MACROD1: variants seen among roughly 807,000 people sequenced by gnomAD.
MACROD1 encodes ADP-ribose glycohydrolase MACROD1.
A neutral mutation model predicts 41.4 loss-of-function variants in MACROD1; 31 were observed. The ratio of observed to expected loss-of-function variants is 0.75; its 90% CI spans 0.56 to 1.01. The LOEUF (loss-of-function observed/expected upper bound fraction) is 1.01. Among genes scored for constraint, MACROD1 ranks in the 50% least tolerant of loss-of-function variants. MACROD1 has a pLI of 0.00. For synonymous variants in MACROD1, 252 were observed against 203.4 expected (o/e 1.24, Z -2.03); for missense variants, 473 against 460.0 (o/e 1.03, Z -0.26).
chr11:64,139,505 C>T (rs1193714961), intron 3 of MACROD1, among the ~76,000 whole-genome samples: 1 of 152,198 alleles, frequency 6.6e-6, no homozygotes, highest in Non-Finnish European at 1.5e-5. Context: ...ATGGAGCTGC[C>T]CCTGCCCTCG....
intron 3 of MACROD1, among the ~76,000 whole-genome samples, chr11:64,019,911 G>A (rs1358848381): frequency 3.3e-5 from 5 of 152,270 alleles, no homozygotes; most frequent in Non-Finnish European, 1.5e-5. Context: ...ACGGGGACGT[G>A]CATGATGAGG....
chr11:64,117,142 A>G, intron 3 of MACROD1: 1 of 1,613,638 alleles, frequency 6.2e-7, no homozygotes, highest in African/African-American at 1.3e-5. Context: ...ACGCTGGCCA[A>G]GATGCGTGAG....
chr11:64,058,606 G>A (rs1485388090), intron 3 of MACROD1, among the ~76,000 whole-genome samples: 3 of 152,244 alleles, frequency 2.0e-5, no homozygotes, highest in South Asian at 4.1e-4. Context: ...CGGGTGCAGC[G>A]GGCACGGCCC....
At chr11:64,104,974 A>G (rs982254013) in intron 3 of MACROD1, among the ~76,000 whole-genome samples, 12 of 152,116 alleles carry the variant, frequency 7.9e-5, no homozygotes, top group African/African-American at 2.9e-4. Flanking sequence ...CCAATTCATT[A>G]CCAAGATGGA....
intron 3 of MACROD1, among the ~76,000 whole-genome samples, chr11:64,081,452 G>A (rs1244059813): frequency 6.6e-6 from 1 of 152,228 alleles, no homozygotes; most frequent in Non-Finnish European, 1.5e-5. Flanking sequence ...CCCTCATACA[G>A]GGATTGGCAG....
At chr11:64,049,332 C>T (rs769075424) in intron 3 of MACROD1, among the ~76,000 whole-genome samples, 5 of 152,206 alleles carry the variant, frequency 3.3e-5, no homozygotes, top group Non-Finnish European at 5.9e-5. Context: ...AGGGTCCTAC[C>T]GATGCCCAAA....
intron 3 of MACROD1, among the ~76,000 whole-genome samples, chr11:64,135,397 G>A (rs1375855281): frequency 5.9e-5 from 9 of 152,216 alleles, no homozygotes; most frequent in Non-Finnish European, 1.3e-4. Context: ...CAGCTCTGGA[G>A]GTCACCATGT....
At chr11:64,094,428 C>A (rs1273067812) in intron 3 of MACROD1, among the ~76,000 whole-genome samples, 2 of 116,248 alleles carry the variant, frequency 1.7e-5, no homozygotes, top group South Asian at 3.0e-4. Flanking sequence ...GAGACTCCAA[C>A]TTAAAAAAAA....
intron 3 of MACROD1, among the ~76,000 whole-genome samples, chr11:64,072,031 G>A (rs1036115716): frequency 1.3e-5 from 2 of 152,194 alleles, no homozygotes; most frequent in Admixed American, 6.5e-5. Context: ...ACGCACTATT[G>A]ACCGCCGCGC....
At chr11:64,035,272 A>T (rs1410065995) in intron 3 of MACROD1, among the ~76,000 whole-genome samples, 1 of 151,964 alleles carries the variant, frequency 6.6e-6, no homozygotes, top group Non-Finnish European at 1.5e-5. Context: ...GGGTGTTTAC[A>T]GCACGCGGCG....
chr11:64,009,624 C>T (rs768714586), intron 4 of MACROD1, among the ~76,000 whole-genome samples: 6 of 152,098 alleles, frequency 3.9e-5, no homozygotes, highest in Admixed American at 2.0e-4. Flanking sequence ...ACTGCATTGC[C>T]AGCACCATCT....
chr11:64,035,065 A>G (rs1190091893), intron 3 of MACROD1, among the ~76,000 whole-genome samples: 1 of 152,046 alleles, frequency 6.6e-6, no homozygotes, highest in African/African-American at 2.4e-5. Flanking sequence ...CCTCCCATTC[A>G]AGGTCTTCTT....
chr11:64,084,882 C>T (rs1163675427), intron 3 of MACROD1, among the ~76,000 whole-genome samples: 4 of 152,328 alleles, frequency 2.6e-5, no homozygotes, highest in Admixed American at 2.0e-4. Context: ...GGGAGAGCTG[C>T]GTGTGTGGGG....
intron 3 of MACROD1, among the ~76,000 whole-genome samples, chr11:64,094,661 G>A (rs1018134151): frequency 4.6e-5 from 7 of 152,222 alleles, no homozygotes; most frequent in Admixed American, 2.0e-4. Context: ...GTGTGTGGCT[G>A]CTGCGGGCGG....
chr11:64,150,280 G>A lies in MACROD1; in HGVS notation c.517+959C>T, dbSNP rs969247832. On this transcript the variant is annotated intron_variant, in intron 3 of 10. Transcript: ENST00000255681. ...GCACCACCATGCCCCAGAGTCACTG[G>A]GGGACAGCGCTGGGGCCAGGCACGA... Among the ~76,000 whole-genome samples the A allele has an allele frequency of 4.6e-5, 7 of 152,204 alleles. No individual in the cohort carries two copies. In the South Asian group the frequency reaches 1.4e-3, roughly 32 times the overall value.
chr11:64,006,392 G>A (rs1942914347), intron 4 of MACROD1, among the ~76,000 whole-genome samples: 1 of 152,198 alleles, frequency 6.6e-6, no homozygotes, highest in Non-Finnish European at 1.5e-5. Flanking sequence ...AGCCCAGCAG[G>A]GTGCAGAGCC....
chr11:64,067,671 TG>T lies in MACROD1; in HGVS notation c.518-52391del, dbSNP rs1944029855. ...GTCCCCAAGCAGGCAGCTGGAGGGC[TG>T]GGGTGCCTGGAGCTGCCCTGCCTGC... is the stretch of plus-strand genomic sequence containing the variant. On this transcript the variant is annotated intron_variant, in intron 3 of 10. Coordinates refer to ENST00000255681, the MANE Select transcript of MACROD1 (RefSeq NM_014067.4). The surrounding 1 kb of genome is among the most constrained non-coding windows in gnomAD (Gnocchi z 4.6). 6.6e-6 allele frequency among the ~76,000 whole-genome samples: 1 copy of T among 152,162 alleles called. No homozygotes were observed. Among genetic ancestry groups the T allele is most frequent in the African/African-American group, 2.4e-5 (1 of 41,448 alleles).
At chr11:64,117,765 A>C (rs1232092940) in intron 3 of MACROD1, 1 of 1,614,116 alleles carries the variant, frequency 6.2e-7, no homozygotes, top group Non-Finnish European at 8.5e-7. Context: ...CCTGGAGCCC[A>C]AGTCCACCTA....
At chr11:64,025,502 A>G (rs1440001115) in intron 3 of MACROD1, among the ~76,000 whole-genome samples, 1 of 152,126 alleles carries the variant, frequency 6.6e-6, no homozygotes, top group African/African-American at 2.4e-5. Context: ...CTCACAAAAC[A>G]GCAGAAGCCC....
Sources: gnomAD v4.1 joint callset for allele counts (sites outside exome capture counted in the v4.1 genomes callset) on GRCh38, gnomAD v4.1.1 for gene constraint, Gnocchi (gnomAD v3.1) non-coding constraint, MANE v1.5 for transcripts, NCBI Gene and HGNC (gene_info 2026-07-23, HGNC 2026-07-21) for gene names.